GNE: variants seen among roughly 807,000 people sequenced by gnomAD.
The protein encoded by GNE is glucosamine (UDP-N-acetyl)-2-epimerase/N-acetylmannosamine kinase.
GNE carries 41 observed loss-of-function variants against 61.8 expected under a neutral mutation model. The ratio of observed to expected loss-of-function variants is 0.66; its 90% CI spans 0.52 to 0.86. GNE has a LOEUF of 0.86. Among genes scored for constraint, GNE ranks in the 40% least tolerant of loss-of-function variants. GNE has a pLI of 0.00. For missense variants in GNE, 608 were observed against 909.1 expected (o/e 0.67, Z 4.26); for synonymous variants, 264 against 326.4 (o/e 0.81, Z 2.06).
At chr9:36,234,843 A>C (rs745361068) in intron 4 of GNE, among the ~76,000 whole-genome samples, 2 of 152,150 alleles carry the variant, frequency 1.3e-5, no homozygotes, top group Non-Finnish European at 2.9e-5. Flanking sequence ...AAAGCTGTGC[A>C]TGCATGGTTC....
intron 1 of GNE, among the ~76,000 whole-genome samples, chr9:36,253,176 T>C (rs1830180809): frequency 6.6e-6 from 1 of 151,898 alleles, no homozygotes; most frequent in Admixed American, 6.6e-5. Flanking sequence ...TATATATATA[T>C]GATGTGTATA....
chr9:36,232,746 T>G (rs151147991), intron 5 of GNE, among the ~76,000 whole-genome samples: 3 of 152,320 alleles, frequency 2.0e-5, no homozygotes, highest in African/African-American at 7.2e-5. Context: ...ATTCCTGATA[T>G]TTTTCTTATT....
chr9:36,243,204 C>A (rs1029241246), intron 3 of GNE, among the ~76,000 whole-genome samples: 2 of 152,074 alleles, frequency 1.3e-5, no homozygotes, highest in East Asian at 3.9e-4. Context: ...ACCATCACAC[C>A]CGGCTGATTT....
intron 5 of GNE, among the ~76,000 whole-genome samples, chr9:36,231,066 TAAAAA>T (rs529903965): frequency 4.4e-5 from 3 of 68,376 alleles, no homozygotes; most frequent in African/African-American, 4.6e-5. Flanking sequence ...ACTGCTTCAC[TAAAAA>T]AAAAAAAAAA....
At chr9:36,271,928 A>C (rs535923895) in intron 1 of GNE, among the ~76,000 whole-genome samples, 1 of 152,294 alleles carries the variant, frequency 6.6e-6, no homozygotes, top group South Asian at 2.1e-4. Flanking sequence ...GTCAATAAAC[A>C]TTCAGTCAAA....
upstream of GNE, among the ~76,000 whole-genome samples, chr9:36,261,800 G>A (rs189682760): frequency 3.1e-3 from 476 of 151,786 alleles, 2 homozygotes; most frequent in African/African-American, 0.011. Context: ...GCAGGCGCCT[G>A]TAGTCCCAGC....
In GNE at chr9:36,239,142, T is replaced by G. The variant is rs568143965; in HGVS notation, c.617-2158A>C. Among the ~76,000 whole-genome samples the G allele has an allele frequency of 3.3e-5, 5 of 152,284 alleles. No homozygotes were observed. The South Asian group carries it at 1.0e-3, about 32-fold the overall frequency. On this transcript the variant is annotated intron_variant, in intron 3 of 11. Transcript: ENST00000642385. The stretch of plus-strand genomic sequence containing the variant: ...TGTTTTGGTGACTATGGCCTTATAG[T>G]ATAGTTTGAAATCAGGTAGTGTGAT...
chr9:36,223,287 G>T (rs1315519385), intron 8 of GNE, 86 bp downstream of exon 8: 4 of 1,256,936 alleles, frequency 3.2e-6, no homozygotes, highest in East Asian at 4.6e-5. Flanking sequence ...GGCAGACACT[G>T]ACTTGATGCT....
At chr9:36,233,035 A>C (rs571025946) in intron 5 of GNE, among the ~76,000 whole-genome samples, 1 of 152,346 alleles carries the variant, frequency 6.6e-6, no homozygotes, top group Admixed American at 6.5e-5. Flanking sequence ...GAAGAACTGG[A>C]GAAAGAGCAG....
chr9:36,242,732 G>GTTTTT (rs34441447), intron 3 of GNE, among the ~76,000 whole-genome samples: 1 of 95,994 alleles, frequency 1.0e-5, no homozygotes, highest in South Asian at 3.5e-4. Flanking sequence ...TTTTATGCTT[G>GTTTTT]TTTTTTTTTT....
intron 5 of GNE, among the ~76,000 whole-genome samples, chr9:36,233,491 C>G (rs923000635): frequency 2.0e-5 from 3 of 152,040 alleles, no homozygotes; most frequent in Admixed American, 6.6e-5. Flanking sequence ...AAAGTGAAAC[C>G]CCGTCTCTAC....
At chr9:36,228,518 C>T (rs1444424154) in intron 6 of GNE, among the ~76,000 whole-genome samples, 3 of 152,008 alleles carry the variant, frequency 2.0e-5, no homozygotes, top group Admixed American at 6.6e-5. Context: ...TAAGGCTGGG[C>T]GCAGTGACTC....
At position 36,216,919 on chromosome 9, in the gene GNE, G is replaced by A. The variant is rs886063924; in HGVS notation, c.*446C>T. The A allele has an allele frequency of 3.5e-4, 75 of 212,716 alleles. 1 individual carries two copies. The highest frequency in any genetic ancestry group is 5.1e-4 in the Non-Finnish European group (54 of 105,844). The allele number at this position is 212,716 out of a possible 1,614,324, so 13.2% of individuals were successfully genotyped here. A position where few individuals can be genotyped will look rare whatever the true frequency, so the allele number is the denominator to read the frequency against. ...GATCTCCTGACCTCGTGATCCGCCC[G>A]CCTCGGCCTCCCAAAGTGCTGGGAT... On this transcript the variant is annotated 3_prime_UTR_variant, in exon 12 of 12. Coordinates refer to ENST00000642385, the MANE Select transcript of GNE (RefSeq NM_005476.7).
intron 1 of GNE, among the ~76,000 whole-genome samples, chr9:36,267,060 A>G (rs1257079841): frequency 6.6e-6 from 1 of 152,064 alleles, no homozygotes; most frequent in Admixed American, 6.5e-5. Context: ...AGTGAGACTC[A>G]GTCTCAAAAA....
At chr9:36,270,627 C>T (rs1175554540) in intron 1 of GNE, among the ~76,000 whole-genome samples, 1 of 151,866 alleles carries the variant, frequency 6.6e-6, no homozygotes, top group Non-Finnish European at 1.5e-5. Context: ...ACACCATTCT[C>T]CTACCTCAGC....
rs2133024607 is a variant in GNE at position 36,223,461 on chromosome 9, G to T, written c.1323C>A (p.Thr441=). 6.2e-7 allele frequency: 1 copy of T among 1,610,492 alleles called. No individual in the cohort carries two copies. The highest frequency in any genetic ancestry group is 1.1e-5 in the South Asian group (1 of 91,010). The change falls in exon 8 of 12, where the codon ACC becomes ACA. Residue 441 remains threonine, a synonymous_variant. Transcript: ENST00000642385. The part of the protein sequence containing the change: ...VKKYTQFNPK[T]YEERINLILQ... ...GGATTAAATTAATCCTCTCTTCATAGGTTTTAGGATTGAACTGAGTATACT... is the reference window on the plus strand; with the variant it reads ...GGATTAAATTAATCCTCTCTTCATATGTTTTAGGATTGAACTGAGTATACT...
In GNE at chr9:36,217,349, G is replaced by A. The variant is rs1187267657; in HGVS notation, c.*16C>T. ...CAGGAGCTCTGGAGAGAAGGTCCAT[G>A]TCTGTTCCTGGAGGTCTAGTAGATC... On this transcript the variant is annotated 3_prime_UTR_variant, in exon 12 of 12. Transcript: ENST00000642385. 6 of 1,535,370 alleles carry A rather than the reference G, an allele frequency of 3.9e-6. No homozygotes were observed. The highest frequency in any genetic ancestry group is 5.4e-6 in the Non-Finnish European group (6 of 1,109,392).
At position 36,223,526 on chromosome 9, in the gene GNE, C is replaced by T. The variant is rs758544456; in HGVS notation, c.1282-24G>A. The T allele has an allele frequency of 2.9e-5, 47 of 1,606,246 alleles. 1 individual carries two copies. Among genetic ancestry groups the T allele is most frequent in the Middle Eastern group, 2.2e-4 (1 of 4,650 alleles). On this transcript the variant is annotated intron_variant, in intron 7 of 11. Coordinates refer to ENST00000642385, the MANE Select transcript of GNE (RefSeq NM_005476.7). ...CCCTAAAAGAGAAAACAACAAGTTC[C>T]GTCTTACTGGTCTTAGCTAAGCAGC...
chr9:36,257,239 T>C (rs934939797), intron 1 of GNE, among the ~76,000 whole-genome samples: 4 of 152,124 alleles, frequency 2.6e-5, no homozygotes, highest in Non-Finnish European at 4.4e-5. Context: ...TCCATAAACA[T>C]CCATGAGTAC....
Sources: gnomAD v4.1 joint callset for allele counts (sites outside exome capture counted in the v4.1 genomes callset) on GRCh38, gnomAD v4.1.1 for gene constraint, MANE v1.5 for transcripts, NCBI Gene and HGNC (gene_info 2026-07-23, HGNC 2026-07-21) for gene names.